The following NF1 variants were observed in gnomAD, a reference collection of about 807,000 sequenced individuals.
NF1 encodes neurofibromin.
NF1 carries 122 observed loss-of-function variants against 325.7 expected under a neutral mutation model. The observed-to-expected ratio is 0.37, with a 90% CI of 0.32 to 0.44. The LOEUF (loss-of-function observed/expected upper bound fraction) is 0.44. Ranked by LOEUF, NF1 falls within the 20% of genes least tolerant of loss-of-function variation. The pLI is 1.00. For synonymous variants in NF1, 1,091 were observed against 1,186.0 expected (o/e 0.92, Z 1.65); for missense variants, 2,140 against 3,415.4 (o/e 0.63, Z 9.31).
intron 39 of NF1, among the ~76,000 whole-genome samples, chr17:31,333,553 A>G (rs2069561401): frequency 6.6e-6 from 1 of 152,220 alleles, no homozygotes; most frequent in Non-Finnish European, 1.5e-5. Flanking sequence ...TGCCTACTTT[A>G]GAACTTCATA....
chr17:31,348,797 A>AT (rs1011044169), intron 48 of NF1, among the ~76,000 whole-genome samples: 53 of 148,636 alleles, frequency 3.6e-4, no homozygotes, highest in Middle Eastern at 3.4e-3. Flanking sequence ...TAATACATAG[A>AT]TTTTTTTTTT....
chr17:31,313,855 C>T (rs1245224719), intron 36 of NF1: 1 of 355,790 alleles, frequency 2.8e-6, no homozygotes, highest in East Asian at 4.1e-5. Flanking sequence ...TGCAACAAAA[C>T]CACAAAAACC....
intron 32 of NF1, 25 bp from the exon 33 acceptor site, chr17:31,259,007 T>C (rs1205914557): frequency 6.9e-7 from 1 of 1,444,556 alleles, no homozygotes; most frequent in East Asian, 2.3e-5. Context: ...AATCTGATTA[T>C]TTATAACCCT....
chr17:31,161,909 G>A (rs1220786406), intron 3 of NF1, among the ~76,000 whole-genome samples: 1 of 151,668 alleles, frequency 6.6e-6, no homozygotes, highest in African/African-American at 2.4e-5. Context: ...GGTGGCACAT[G>A]TCTGTAGTCC....
At chr17:31,231,709 G>A (rs2067115544) in intron 24 of NF1, among the ~76,000 whole-genome samples, 1 of 152,130 alleles carries the variant, frequency 6.6e-6, no homozygotes, top group East Asian at 1.9e-4. Context: ...TGTACATGTT[G>A]AGTACAGATG....
chr17:31,354,797 G>A (rs532668513), intron 51 of NF1, among the ~76,000 whole-genome samples: 1 of 152,196 alleles, frequency 6.6e-6, no homozygotes, highest in Admixed American at 6.5e-5. Context: ...AGGCTGACCT[G>A]GGCAGCATAG....
chr17:31,195,094 A>T (rs574069421), intron 8 of NF1, among the ~76,000 whole-genome samples: 1 of 152,202 alleles, frequency 6.6e-6, no homozygotes, highest in South Asian at 2.1e-4. Context: ...CAAGGTTAGG[A>T]TTTCCTTTGA....
chr17:31,330,622 A>G (rs910723671), intron 39 of NF1, 124 bp downstream of exon 39: 1 of 763,946 alleles, frequency 1.3e-6, no homozygotes, highest in Admixed American at 2.6e-5. Flanking sequence ...TCCTCTTCTG[A>G]TTTTATATCT....
At chr17:31,307,097 A>G (rs1262438587) in intron 36 of NF1, among the ~76,000 whole-genome samples, 1 of 151,914 alleles carries the variant, frequency 6.6e-6, no homozygotes, top group Non-Finnish European at 1.5e-5. Flanking sequence ...ATCTGGGCTC[A>G]CTGCAAATTC....
intron 57 of NF1, chr17:31,367,238 C>T (rs2151594895): frequency 7.6e-7 from 1 of 1,311,602 alleles, no homozygotes; most frequent in Non-Finnish European, 1.0e-6. Flanking sequence ...CTCTGCCTTG[C>T]TCTAAATCAG....
rs916554415 is a variant in NF1 at position 31,324,067 on chromosome 17, G to GT, written c.4836-1745dup. Among the ~76,000 whole-genome samples the GT allele has an allele frequency of 7.3e-5, 11 of 151,532 alleles. No individual in the cohort carries two copies. The South Asian group carries it at 1.3e-3, about 17-fold the overall frequency. The stretch of plus-strand genomic sequence containing the variant: ...TAATGGAGTATGTGTGATTTTTTTG[G>GT]TTTTTTTTGTTTTTGTTTTTGTTGG... On this transcript the variant is annotated intron_variant, in intron 36 of 57. Transcript: ENST00000358273.
chr17:31,308,461 A>G (rs1432408127), intron 36 of NF1, among the ~76,000 whole-genome samples: 1 of 152,006 alleles, frequency 6.6e-6, no homozygotes, highest in Non-Finnish European at 1.5e-5. Context: ...AAACTTCTAA[A>G]TTGAGTTTTC....
chr17:31,181,684 A>T (rs1419050844), intron 6 of NF1, 26 bp from the exon 7 acceptor site: 1 of 1,542,774 alleles, frequency 6.5e-7, no homozygotes, highest in South Asian at 1.1e-5. Context: ...AAATCACTGT[A>T]AAGACATGTG....
intron 31 of NF1, among the ~76,000 whole-genome samples, chr17:31,258,103 C>G (rs908915414): frequency 6.6e-5 from 10 of 152,084 alleles, no homozygotes; most frequent in Non-Finnish European, 1.2e-4. Flanking sequence ...CTACCCATCT[C>G]ATCCATGAGG....
chr17:31,239,863 A>G (rs1206935202), intron 29 of NF1, among the ~76,000 whole-genome samples: 1 of 152,168 alleles, frequency 6.6e-6, no homozygotes, highest in Non-Finnish European at 1.5e-5. Flanking sequence ...CCCATGTTCA[A>G]GCAATTCTCC....
chr17:31,128,017 C>T (rs1252066195), intron 1 of NF1, among the ~76,000 whole-genome samples: 3 of 151,924 alleles, frequency 2.0e-5, no homozygotes. Context: ...TCACAGTTCA[C>T]TGCAGCCTTG....
At chr17:31,200,685 A>G (rs992157934) in intron 9 of NF1, 90 bp downstream of exon 9, 2 of 1,430,262 alleles carry the variant, frequency 1.4e-6, no homozygotes, top group South Asian at 2.3e-5. Context: ...AATTGCTAAC[A>G]TTAAAGTTCT....
rs572018999 is a variant in NF1 at position 31,245,720 on chromosome 17, C to T, written c.3975-3264C>T. 3.3e-5 allele frequency among the ~76,000 whole-genome samples: 5 copies of T among 152,310 alleles called. No homozygotes were observed. In the East Asian group the frequency reaches 7.7e-4, roughly 23 times the overall value. On this transcript the variant is annotated intron_variant, in intron 29 of 57. Coordinates refer to ENST00000358273, the MANE Select transcript of NF1 (RefSeq NM_001042492.3). ...TCCATGCTGTCTCCAGGTGCACTAC[C>T]CTCCAGGCACCTCTATGTGTTCGGC...
intron 8 of NF1, among the ~76,000 whole-genome samples, chr17:31,184,126 A>G (rs1201209491): frequency 1.3e-5 from 2 of 152,122 alleles, no homozygotes; most frequent in Admixed American, 1.3e-4. Context: ...ATTAGACCCT[A>G]AAATATTAAG....
Sources: gnomAD v4.1 joint callset for allele counts (sites outside exome capture counted in the v4.1 genomes callset) on GRCh38, gnomAD v4.1.1 for gene constraint, MANE v1.5 for transcripts, NCBI Gene and HGNC (gene_info 2026-07-23, HGNC 2026-07-21) for gene names.